Variants in CDIP1 observed in about 807,000 individuals in gnomAD.
The protein encoded by CDIP1 is cell death inducing p53 target 1, also known as cell death-inducing p53-target protein 1.
CDIP1 carries 9 observed loss-of-function variants against 17.7 expected under a neutral mutation model. The ratio of observed to expected loss-of-function variants is 0.51; its 90% confidence interval spans 0.31 to 0.89. The LOEUF is 0.89. Ranked by LOEUF, CDIP1 falls within the 40% of genes least tolerant of loss-of-function variation. CDIP1 has a pLI of 0.05. For synonymous variants in CDIP1, 117 were observed against 109.5 expected (o/e 1.07, Z -0.43); for missense variants, 263 against 277.9 (o/e 0.95, Z 0.38).
intron 1 of CDIP1, among the ~76,000 whole-genome samples, chr16:4,526,990 G>A (rs1017812717): frequency 6.6e-6 from 1 of 151,918 alleles, no homozygotes. Flanking sequence ...CAAGAATTGT[G>A]ATGAGTCACG....
chr16:4,530,471 GA>G, intron 1 of CDIP1, among the ~76,000 whole-genome samples: 1 of 152,016 alleles, frequency 6.6e-6, no homozygotes, highest in Non-Finnish European at 1.5e-5. Context: ...CCAACATGGA[GA>G]AACCCCATCT....
intron 1 of CDIP1, among the ~76,000 whole-genome samples, chr16:4,529,610 C>A (rs2059034669): frequency 6.6e-6 from 1 of 152,200 alleles, no homozygotes; most frequent in South Asian, 2.1e-4. Flanking sequence ...GCCTTGGTAA[C>A]TACAAGGCTG....
chr16:4,535,349 G>A (rs1426729843), intron 1 of CDIP1, among the ~76,000 whole-genome samples: 1 of 152,200 alleles, frequency 6.6e-6, no homozygotes, highest in Non-Finnish European at 1.5e-5. Context: ...CAGGAGCACT[G>A]AAAAGGTGAC....
At chr16:4,526,340 G>A (rs2059000469) in intron 1 of CDIP1, among the ~76,000 whole-genome samples, 1 of 151,624 alleles carries the variant, frequency 6.6e-6, no homozygotes, top group African/African-American at 2.4e-5. Context: ...AGGAGGCGGA[G>A]GTTGCAGTGA....
chr16:4,530,862 T>C (rs1037811028), intron 1 of CDIP1, among the ~76,000 whole-genome samples: 1 of 151,902 alleles, frequency 6.6e-6, no homozygotes, highest in Non-Finnish European at 1.5e-5. Flanking sequence ...AAATAGTATA[T>C]AGAAGTTTAT....
rs530108994 is a variant in CDIP1, at chr16:4,522,744, A to G, written c.-104-8080T>C. 7.9e-5 allele frequency among the ~76,000 whole-genome samples: 12 copies of G among 152,324 alleles called. No individual in the cohort carries two copies. In the East Asian group the frequency reaches 2.3e-3, roughly 29 times the overall value. ...GCAAGCAGGAGCTCACGTGGGCCTC[A>G]GGGAAGATGCTCTCAGTCCAGATAG... On this transcript the variant is annotated intron_variant, in intron 1 of 5. Coordinates refer to ENST00000567695, the MANE Select transcript of CDIP1 (RefSeq NM_013399.3).
intron 1 of CDIP1, among the ~76,000 whole-genome samples, chr16:4,537,540 C>T (rs1376052505): frequency 6.6e-6 from 1 of 152,204 alleles, no homozygotes; most frequent in Non-Finnish European, 1.5e-5. Context: ...ACAGAAGAAA[C>T]TGGCAGAAAC....
rs892750228 is a variant in CDIP1 at position 4,513,926 on chromosome 16, T to C, written c.86-75A>G. 16 of 1,447,650 alleles carry C rather than the reference T, an allele frequency of 1.1e-5. No individual in the cohort carries two copies. The highest frequency in any genetic ancestry group is 4.3e-5 in the African/African-American group (3 of 69,434). 89.7% of individuals were successfully genotyped at this position (1,447,650 alleles called of 1,614,324 possible). ...ATGAGCTCGACCAGAGGCCACTGTT[T>C]TGGGACACAGATGGGGCCCAGGGGT... is the stretch of plus-strand genomic sequence containing the variant. On this transcript the variant is annotated intron_variant, in intron 3 of 5. Coordinates refer to ENST00000567695, the MANE Select transcript of CDIP1 (RefSeq NM_013399.3). The surrounding 1 kb of genome is among the most constrained non-coding windows in gnomAD (Gnocchi z 4.1).
rs1230288329 is a variant in CDIP1, at chr16:4,513,587, T to TG, written c.241+108dup. 3.2e-6 allele frequency: 3 copies of TG among 949,008 alleles called. No individual in the cohort carries two copies. The African/African-American group carries it at 4.9e-5, about 16-fold the overall frequency. The allele number at this position is 949,008 out of a possible 1,614,324, so 58.8% of individuals were successfully genotyped here. On this transcript the variant is annotated intron_variant, in intron 4 of 5. Transcript: ENST00000567695. The surrounding 1 kb of genome is among the most constrained non-coding windows in gnomAD (Gnocchi z 4.1). ...CTAGGCAAGGGCTGGTTGGGCGTGT[T>TG]GGAGTCCCTGCCCTACAGCAGATGC...
chr16:4,521,297 AG>A (rs1159058218), intron 1 of CDIP1, among the ~76,000 whole-genome samples: 1 of 152,134 alleles, frequency 6.6e-6, no homozygotes, highest in Non-Finnish European at 1.5e-5. Context: ...TTCTGATCCT[AG>A]CCCCCCGAGT....
rs772511932 is a variant in CDIP1, at chr16:4,512,990, GGTAGGGCCCTGGCGT to G, written c.301_315del (p.Thr101_Tyr105del). 76 of 1,590,214 alleles carry G rather than the reference GGTAGGGCCCTGGCGT, an allele frequency of 4.8e-5. No individual in the cohort carries two copies. The highest frequency in any genetic ancestry group is 9.1e-5 in the East Asian group (4 of 44,006). On this transcript the variant is annotated inframe_deletion, in exon 5 of 6. Transcript: ENST00000567695. The surrounding 1 kb of genome is among the most constrained non-coding windows in gnomAD (Gnocchi z 4.6). Reference sequence around the variant, plus strand: ...GTGGCTGTGTGGCCCCCAGGGCCAGGGTAGGGCCCTGGCGTGTAGGGCCCTGGGGGGTAGTAGCCC... The same window carrying G: ...GTGGCTGTGTGGCCCCCAGGGCCAGGGTAGGGCCCTGGGGGGTAGTAGCCC...
At position 4,535,977 on chromosome 16, in the gene CDIP1, G is replaced by A. The variant is rs74005351; in HGVS notation, c.-105+2725C>T. Reference sequence around the variant, plus strand: ...GAGTAATCTATTTCCAAGTCCCCTCGTGGGGGAAAGGGAACCTCCTGTCAC... The same window carrying A: ...GAGTAATCTATTTCCAAGTCCCCTCATGGGGGAAAGGGAACCTCCTGTCAC... On this transcript the variant is annotated intron_variant, in intron 1 of 5. Transcript: ENST00000567695. 7.5e-3 allele frequency among the ~76,000 whole-genome samples: 1,135 copies of A among 152,262 alleles called. 17 individuals are homozygous for A. Among genetic ancestry groups the A allele is most frequent in the African/African-American group, 0.026 (1,060 of 41,538 alleles).
chr16:4,525,002 G>A (rs2058985488), intron 1 of CDIP1, among the ~76,000 whole-genome samples: 2 of 152,138 alleles, frequency 1.3e-5, no homozygotes, highest in Admixed American at 1.3e-4. Flanking sequence ...TTGGGAGGCT[G>A]AGGCGGGAGG....
intron 1 of CDIP1, among the ~76,000 whole-genome samples, chr16:4,537,701 G>A (rs1307581770): frequency 1.1e-4 from 16 of 152,202 alleles, no homozygotes. Flanking sequence ...ACCTGGGGTG[G>A]GCCCCAGGAA....
At chr16:4,529,436 C>T (rs180986216) in intron 1 of CDIP1, among the ~76,000 whole-genome samples, 1 of 152,292 alleles carries the variant, frequency 6.6e-6, no homozygotes, top group African/African-American at 2.4e-5. Flanking sequence ...GAACTACCTC[C>T]CAGGCAGAAC....
chr16:4,529,622 C>A (rs1161810677), intron 1 of CDIP1, among the ~76,000 whole-genome samples: 1 of 152,168 alleles, frequency 6.6e-6, no homozygotes, highest in Non-Finnish European at 1.5e-5. Flanking sequence ...ACAAGGCTGA[C>A]TAATTTTAGA....
At chr16:4,519,533 G>A (rs954285683) in intron 1 of CDIP1, among the ~76,000 whole-genome samples, 8 of 152,184 alleles carry the variant, frequency 5.3e-5, no homozygotes, top group East Asian at 3.8e-4. Flanking sequence ...CTCTCCCCGC[G>A]GCCCTTCCAC....
chr16:4,516,221 C>A (rs2058886051), intron 1 of CDIP1, among the ~76,000 whole-genome samples: 1 of 152,054 alleles, frequency 6.6e-6, no homozygotes, highest in African/African-American at 2.4e-5. Flanking sequence ...ATAGGCAAAC[C>A]CATAGAAACG....
rs988612124 is a variant in CDIP1 at position 4,513,339 on chromosome 16, CTCTG to C, written c.242-279_242-276del. ...GGCACATGGCCCGGTCCCTCTGCTCCTCTGTCTGTCTCCAGCATGCAAGGACAGG... is the reference window on the plus strand; with the variant it reads ...GGCACATGGCCCGGTCCCTCTGCTCCTCTGTCTCCAGCATGCAAGGACAGG... On this transcript the variant is annotated intron_variant, in intron 4 of 5. Coordinates refer to ENST00000567695, the MANE Select transcript of CDIP1 (RefSeq NM_013399.3). The surrounding 1 kb of genome is among the most constrained non-coding windows in gnomAD (Gnocchi z 4.1). Among the ~76,000 whole-genome samples, 18 of 152,160 alleles carry C rather than the reference CTCTG, an allele frequency of 1.2e-4. No individual in the cohort carries two copies. In the South Asian group the frequency reaches 2.5e-3, roughly 21 times the overall value.
Sources: allele counts gnomAD v4.1 joint callset (sites outside exome capture counted in the v4.1 genomes callset), GRCh38; gene constraint gnomAD v4.1.1; non-coding constraint Gnocchi (gnomAD v3.1); transcripts MANE v1.5; gene names NCBI Gene and HGNC (gene_info 2026-07-23, HGNC 2026-07-21).